USP48: variants seen among roughly 807,000 people sequenced by gnomAD.
USP48 encodes ubiquitin carboxyl-terminal hydrolase 48.
A neutral mutation model predicts 150.7 loss-of-function variants in USP48; 43 were observed. The ratio of observed to expected loss-of-function variants is 0.29; its 90% CI spans 0.22 to 0.37. The LOEUF (loss-of-function observed/expected upper bound fraction) is 0.37, where lower values mean the gene tolerates loss of function less well. Ranked by LOEUF, USP48 falls within the 10% of genes least tolerant of loss-of-function variation. The pLI, the probability that USP48 is intolerant of heterozygous loss-of-function variation, is 1.00. For missense variants in USP48, 813 were observed against 1,249.6 expected, an observed-to-expected ratio of 0.65 and a Z score of 5.27; for synonymous variants, 396 against 425.9, an observed-to-expected ratio of 0.93 and a Z score of 0.86.
Position 21,764,654 on chromosome 1 carries a change from C to T in USP48, c.135-6871G>A, listed in dbSNP as rs1006170750. Among the ~76,000 whole-genome samples the T allele has an allele frequency of 6.1e-5, 9 of 147,120 alleles. No individual in the cohort carries two copies. The South Asian group carries it at 6.4e-4, about 10-fold the overall frequency. Reference sequence around the variant, plus strand: ...CCGGGAGGCGGAGGTTGCAGTGAGCCGAGATCGTGATTGTGCCACCCCACA... The same window carrying T: ...CCGGGAGGCGGAGGTTGCAGTGAGCTGAGATCGTGATTGTGCCACCCCACA... On this transcript the variant is annotated intron_variant, in intron 1 of 26. Transcript: ENST00000308271.
chr1:21,759,370 C>T (rs184460212), intron 1 of USP48, among the ~76,000 whole-genome samples: 1 of 152,082 alleles, frequency 6.6e-6, no homozygotes, highest in East Asian at 1.9e-4. Context: ...TTACTAGTAC[C>T]CTCTGGCTAA....
intron 11 of USP48, among the ~76,000 whole-genome samples, chr1:21,727,019 A>G (rs1157821609): frequency 6.6e-6 from 1 of 152,184 alleles, no homozygotes; most frequent in East Asian, 1.9e-4. Context: ...TATAAAGTCT[A>G]GAACAATCAC....
At chr1:21,782,611 TA>T (rs1273879147) in intron 1 of USP48, among the ~76,000 whole-genome samples, 2 of 152,214 alleles carry the variant, frequency 1.3e-5, no homozygotes, top group African/African-American at 4.8e-5. Context: ...CAAACCTTCC[TA>T]AAGTGCTTTG....
Position 21,757,773 on chromosome 1 carries a change from T to G in USP48, c.145A>C (p.Lys49Gln). 1 of 1,603,182 alleles carries G rather than the reference T, an allele frequency of 6.2e-7. No homozygotes were observed. The highest frequency in any genetic ancestry group is 1.1e-5 in the South Asian group (1 of 87,364). Residue 49 changes from lysine to glutamine, a missense_variant, in exon 2 of 27, where the codon AAA becomes CAA. Transcript: ENST00000308271. Reference protein sequence around the residue: ...CIRGVCRRNCKGNPNCLVGIG... With the variant: ...CIRGVCRRNCQGNPNCLVGIG... ...CCAACCAAGCAATTCGGATTTCCTT[T>G]GCAGTTTCGTCTAAGGGGAAAAAAA... is the stretch of plus-strand genomic sequence containing the variant.
rs2097820693 is a variant in USP48, at chr1:21,753,022, T to C, written c.510A>G (p.Lys170=). ...GTTGTCCAGTGTCCAGGCCCAAGGC[T>C]TTAACAAATCCTGATGGATCAATGT... is the stretch of plus-strand genomic sequence containing the variant. ...RRYIDPSGFV[K]ALGLDTGQQQ... The change falls in exon 4 of 27, where the codon AAA becomes AAG. Residue 170 remains lysine, a synonymous_variant. Transcript: ENST00000308271. The C allele has an allele frequency of 1.9e-6, 3 of 1,609,596 alleles. No individual in the cohort carries two copies. The highest frequency in any genetic ancestry group is 4.5e-5 in the East Asian group (2 of 44,780).
chr1:21,705,934 A>C lies in USP48; in HGVS notation c.2274-97T>G, dbSNP rs2097671051. Reference sequence around the variant, plus strand: ...TATTTCAAAATCAGAGATATATTTAAGAAAATATTAGTAATTCAATGTGTT... The same window carrying C: ...TATTTCAAAATCAGAGATATATTTACGAAAATATTAGTAATTCAATGTGTT... On this transcript the variant is annotated intron_variant, in intron 18 of 26. Coordinates refer to ENST00000308271, the MANE Select transcript of USP48 (RefSeq NM_032236.8). 3.6e-6 allele frequency: 4 copies of C among 1,122,268 alleles called. No individual in the cohort carries two copies. In the Admixed American group the frequency reaches 1.2e-4, roughly 33 times the overall value. 69.5% of individuals were successfully genotyped at this position (1,122,268 alleles called of 1,614,324 possible).
At chr1:21,708,320 G>A (rs1333768999) in intron 15 of USP48, among the ~76,000 whole-genome samples, 2 of 152,066 alleles carry the variant, frequency 1.3e-5, no homozygotes, top group African/African-American at 2.4e-5. Flanking sequence ...CCAACATGGC[G>A]AAACCCCGTC....
chr1:21,710,693 AT>A (rs1322541132), intron 15 of USP48, among the ~76,000 whole-genome samples: 18 of 152,194 alleles, frequency 1.2e-4, no homozygotes, highest in African/African-American at 3.4e-4. Flanking sequence ...GGGTTTTGTT[AT>A]AAAAATATGA....
intron 6 of USP48, among the ~76,000 whole-genome samples, chr1:21,748,960 T>C (rs943732516): frequency 1.3e-5 from 2 of 152,126 alleles, no homozygotes; most frequent in Non-Finnish European, 2.9e-5. Flanking sequence ...AAAAACGATA[T>C]ATGGGCACCA....
In USP48 at chr1:21,695,114, T is replaced by C. The variant is rs1457807940; in HGVS notation, c.2835A>G (p.Lys945=). The change falls in exon 23 of 27, where the codon AAA becomes AAG. Residue 945 remains lysine (K), a synonymous_variant. Coordinates refer to ENST00000308271, the MANE Select transcript of USP48 (RefSeq NM_032236.8). ...TCTGATTAGCAGAAACGAGAAGTGC[T>C]TTCTCACCACGAACTTTTCTATGTC... ...SMRHRKVRGE[K]ALLVSANQTL... The C allele has an allele frequency of 6.2e-7, 1 of 1,613,702 alleles. No individual in the cohort carries two copies. The highest frequency in any genetic ancestry group is 1.1e-5 in the South Asian group (1 of 90,922).
intron 22 of USP48, among the ~76,000 whole-genome samples, chr1:21,697,490 C>T (rs829388): frequency 0.83 from 118,491 of 143,012 alleles, 47,223 homozygotes; most frequent in African/African-American, 0.88. Context: ...GGTGAAACCC[C>T]GTCTCTACTA....
At chr1:21,733,437 C>G (rs2097761817) in intron 9 of USP48, among the ~76,000 whole-genome samples, 1 of 151,806 alleles carries the variant, frequency 6.6e-6, no homozygotes, top group African/African-American at 2.4e-5. Flanking sequence ...AAAGAGTACC[C>G]AAGATTTAAG....
intron 22 of USP48, among the ~76,000 whole-genome samples, chr1:21,699,994 G>A (rs1024654139): frequency 6.0e-4 from 89 of 147,342 alleles, no homozygotes; most frequent in Non-Finnish European, 1.0e-3. Context: ...GTCTGCAAAC[G>A]CTTGTGGAGA....
chr1:21,685,057 T>G (rs2097577070), intron 25 of USP48, among the ~76,000 whole-genome samples: 1 of 152,180 alleles, frequency 6.6e-6, no homozygotes, highest in South Asian at 2.1e-4. Context: ...AGGATTGTGT[T>G]TTTCTATTTC....
At chr1:21,775,545 G>A (rs12738689) in intron 1 of USP48, among the ~76,000 whole-genome samples, 16 of 152,180 alleles carry the variant, frequency 1.1e-4, no homozygotes, top group East Asian at 3.8e-4. Context: ...GTAAGCCACC[G>A]TGCGTGGCCC....
chr1:21,703,254 TC>T (rs2097662428), intron 21 of USP48, among the ~76,000 whole-genome samples: 1 of 152,220 alleles, frequency 6.6e-6, no homozygotes, highest in South Asian at 2.1e-4. Context: ...TATCACTGTA[TC>T]CCCAGCACCT....
chr1:21,738,150 T>C lies in USP48; in HGVS notation c.992-1525A>G, dbSNP rs918890183. Among the ~76,000 whole-genome samples, 11 of 148,100 alleles carry C rather than the reference T, an allele frequency of 7.4e-5. No homozygotes were observed. In the South Asian group the frequency reaches 1.5e-3, roughly 21 times the overall value. On this transcript the variant is annotated intron_variant, in intron 8 of 26. Coordinates refer to ENST00000308271, the MANE Select transcript of USP48 (RefSeq NM_032236.8). ...TCGGCTCACTGCAACCTCTGCTTCC[T>C]GGGTTCAAGTGATTCTCCTGCCCCA...
intron 8 of USP48, among the ~76,000 whole-genome samples, chr1:21,745,000 T>C (rs1322484862): frequency 6.6e-6 from 1 of 152,132 alleles, no homozygotes; most frequent in Non-Finnish European, 1.5e-5. Context: ...TGGATATGTG[T>C]GTACAGATTT....
Position 21,693,578 on chromosome 1 carries a change from T to C in USP48, c.2883+1488A>G, listed in dbSNP as rs538535269. On this transcript the variant is annotated intron_variant, in intron 23 of 26. Coordinates refer to ENST00000308271, the MANE Select transcript of USP48 (RefSeq NM_032236.8). The stretch of plus-strand genomic sequence containing the variant: ...AGGTACATGCTCTCAGATGGAAGGG[T>C]TATTTCTGCTGACTTCTGGTTTATT... 1.1e-4 allele frequency among the ~76,000 whole-genome samples: 16 copies of C among 152,282 alleles called. 1 individual carries two copies. The South Asian group carries it at 3.1e-3, about 30-fold the overall frequency.
Sources: gnomAD v4.1 joint callset for allele counts (sites outside exome capture counted in the v4.1 genomes callset) on GRCh38, gnomAD v4.1.1 for gene constraint, MANE v1.5 for transcripts, NCBI Gene and HGNC (gene_info 2026-07-23, HGNC 2026-07-21) for gene names.